Variants in PLEKHA8 observed in about 807,000 individuals in gnomAD.
PLEKHA8 encodes pleckstrin homology domain-containing family A member 8.
PLEKHA8 carries 36 observed loss-of-function variants against 68.2 expected under a neutral mutation model. That is an observed-to-expected ratio of 0.53 (90% confidence interval 0.40 to 0.70). The LOEUF (loss-of-function observed/expected upper bound fraction) is 0.70. Among genes scored for constraint, PLEKHA8 ranks in the 30% least tolerant of loss-of-function variants. The pLI is 0.00. For synonymous variants in PLEKHA8, 211 were observed against 216.1 expected (o/e 0.98, Z 0.20); for missense variants, 505 against 615.4 (o/e 0.82, Z 1.90).
At chr7:30,046,897 C>A (rs557497241) in intron 3 of PLEKHA8, among the ~76,000 whole-genome samples, 2 of 152,264 alleles carry the variant, frequency 1.3e-5, no homozygotes, top group South Asian at 4.1e-4. Flanking sequence ...GCTTAATGCT[C>A]ATTCACTGGA....
At chr7:30,097,172 T>A (rs183233488) in intron 13 of PLEKHA8, among the ~76,000 whole-genome samples, 2 of 152,246 alleles carry the variant, frequency 1.3e-5, no homozygotes, top group Non-Finnish European at 2.9e-5. Context: ...TCTTCTGGCT[T>A]GTAGAGTTAC....
chr7:30,130,117 C>T (rs990409249), downstream of PLEKHA8: 3 of 152,360 alleles, frequency 2.0e-5, no homozygotes, highest in African/African-American at 7.2e-5. Context: ...CCCACATCTT[C>T]GTAGGAGATC....
At position 30,028,751 on chromosome 7, in the gene PLEKHA8, GC is replaced by G; in HGVS notation, c.-10del. 1 of 1,261,304 alleles carries G rather than the reference GC, an allele frequency of 7.9e-7. No individual in the cohort carries two copies. The allele number at this position is 1,261,304 out of a possible 1,614,324, so 78.1% of individuals were successfully genotyped here. On this transcript the variant is annotated 5_prime_UTR_variant, in exon 1 of 14. Transcript: ENST00000449726. ...GGGGCCGGCGGGCGTGGGCCGAGTG[GC>G]CGCGGGCGCCATGGAGGGGGTGCTG...
intron 1 of PLEKHA8, among the ~76,000 whole-genome samples, chr7:30,034,308 C>T (rs1450614346): frequency 6.6e-6 from 1 of 151,874 alleles, no homozygotes; most frequent in Non-Finnish European, 1.5e-5. Context: ...TGTGCCCGGC[C>T]AAGAGTTCTT....
In PLEKHA8 at chr7:30,028,708, G is replaced by C; in HGVS notation, c.-55G>C. 1 of 1,209,970 alleles carries C rather than the reference G, an allele frequency of 8.3e-7. No individual in the cohort carries two copies. Among genetic ancestry groups the C allele is most frequent in the Non-Finnish European group, 1.0e-6 (1 of 956,106 alleles). The allele number at this position is 1,209,970 out of a possible 1,614,324, so 75.0% of individuals were successfully genotyped here. A position where few individuals can be genotyped will look rare whatever the true frequency, so the allele number is the denominator to read the frequency against. ...CTGCTGCTGGTGCTCCTCGCCTCTT[G>C]GGGCCTGGGGCAGTGAGGGGGCCGG... On this transcript the variant is annotated 5_prime_UTR_variant, in exon 1 of 14. Coordinates refer to ENST00000449726, the MANE Select transcript of PLEKHA8 (RefSeq NM_001197026.2).
chr7:30,099,506 G>A (rs1324510284), intron 13 of PLEKHA8, among the ~76,000 whole-genome samples: 2 of 152,208 alleles, frequency 1.3e-5, no homozygotes, highest in Non-Finnish European at 2.9e-5. Flanking sequence ...TGAGGTGGCA[G>A]TGAAGTTCAT....
chr7:30,074,166 G>A (rs768998878), intron 13 of PLEKHA8, 34 bp downstream of exon 13: 1 of 1,573,732 alleles, frequency 6.4e-7, no homozygotes, highest in Non-Finnish European at 8.7e-7. Flanking sequence ...ATTATTAACT[G>A]TATTGGGTAT....
Position 30,082,448 on chromosome 7 carries a change from C to G in PLEKHA8, c.*3661C>G, listed in dbSNP as rs954387687. 5 of 985,392 alleles carry G rather than the reference C, an allele frequency of 5.1e-6. No homozygotes were observed. The highest frequency in any genetic ancestry group is 5.2e-4 in the Middle Eastern group (1 of 1,914). The allele number at this position is 985,392 out of a possible 1,614,324, so 61.0% of individuals were successfully genotyped here. ...GTGGGGATTCTGTTCCCCCACCCCCCAGACTGCAAGAGCTTCTTAAGAAGG... is the reference window on the plus strand; with the variant it reads ...GTGGGGATTCTGTTCCCCCACCCCCGAGACTGCAAGAGCTTCTTAAGAAGG... On this transcript the variant is annotated 3_prime_UTR_variant, in exon 14 of 14. Coordinates refer to ENST00000449726, the MANE Select transcript of PLEKHA8 (RefSeq NM_001197026.2).
At position 30,054,737 on chromosome 7, in the gene PLEKHA8, A is replaced by C. The variant is rs2127981004; in HGVS notation, c.825A>C (p.Gly275=). 6.3e-7 allele frequency: 1 copy of C among 1,599,522 alleles called. No homozygotes were observed. The highest frequency in any genetic ancestry group is 8.5e-7 in the Non-Finnish European group (1 of 1,171,192). ...TVQGEIRKED[G]MENLKNHDNN... ...AAGGTGAAATAAGGAAGGAAGATGG[A>C]ATGGAAAACCTGAAAAATCATGACA... Residue 275 remains glycine (G), a synonymous_variant, in exon 8 of 14, where the codon GGA becomes GGC. Coordinates refer to ENST00000449726, the MANE Select transcript of PLEKHA8 (RefSeq NM_001197026.2).
intron 1 of PLEKHA8, among the ~76,000 whole-genome samples, chr7:30,044,881 A>T (rs1329977126): frequency 6.6e-6 from 1 of 152,188 alleles, no homozygotes; most frequent in Non-Finnish European, 1.5e-5. Flanking sequence ...AAAAATATAT[A>T]CTTCTTTGGG....
intron 13 of PLEKHA8, chr7:30,115,713 C>A (rs542637841): frequency 8.9e-6 from 1 of 112,338 alleles, no homozygotes; most frequent in South Asian, 2.6e-4. Flanking sequence ...TGTATACATA[C>A]GCGCATGCAT....
chr7:30,080,203 T>TAAGA lies in PLEKHA8; in HGVS notation c.*1419_*1422dup. ...ACAGTTTCTTAAACTTCTTAAAACT[T>TAAGA]AAGAAACATTGTTTCATAAAACAAT... On this transcript the variant is annotated 3_prime_UTR_variant, in exon 14 of 14. Coordinates refer to ENST00000449726, the MANE Select transcript of PLEKHA8 (RefSeq NM_001197026.2). 1 of 985,398 alleles carries TAAGA rather than the reference T, an allele frequency of 1.0e-6. No individual in the cohort carries two copies. Among genetic ancestry groups the TAAGA allele is most frequent in the Non-Finnish European group, 1.2e-6 (1 of 829,904 alleles). 61.0% of individuals were successfully genotyped at this position (985,398 alleles called of 1,614,324 possible). A position where few individuals can be genotyped will look rare whatever the true frequency, so the allele number is the denominator to read the frequency against.
rs898367979 is a variant in PLEKHA8, at chr7:30,078,959, G to A, written c.*172G>A. The A allele has an allele frequency of 1.3e-5, 19 of 1,414,698 alleles. No homozygotes were observed. In the African/African-American group the frequency reaches 2.7e-4, roughly 20 times the overall value. The allele number at this position is 1,414,698 out of a possible 1,614,324, so 87.6% of individuals were successfully genotyped here. ...AATTTTTAAAATGCATATGTGTTTT[G>A]TTTAAAGATCAAGGTGCTATATATT... On this transcript the variant is annotated 3_prime_UTR_variant, in exon 14 of 14. Coordinates refer to ENST00000449726, the MANE Select transcript of PLEKHA8 (RefSeq NM_001197026.2).
intron 2 of PLEKHA8, among the ~76,000 whole-genome samples, chr7:30,045,885 C>T (rs2127971957): frequency 1.3e-5 from 2 of 152,344 alleles, no homozygotes; most frequent in African/African-American, 4.8e-5. Flanking sequence ...ACTTAACACA[C>T]ACACCCACTG....
In PLEKHA8 at chr7:30,081,446, T is replaced by C. The variant is rs1476003361; in HGVS notation, c.*2659T>C. On this transcript the variant is annotated 3_prime_UTR_variant, in exon 14 of 14. Transcript: ENST00000449726. ...CCTTGGCATAGTCAGAGCTTCCTCC[T>C]ACATCTAAAGTATTTGCTCTCTGTT... The C allele has an allele frequency of 1.0e-6, 1 of 984,784 alleles. No individual in the cohort carries two copies. Among genetic ancestry groups the C allele is most frequent in the Non-Finnish European group, 1.2e-6 (1 of 829,306 alleles). 61.0% of individuals were successfully genotyped at this position (984,784 alleles called of 1,614,324 possible).
chr7:30,070,519 T>C (rs1794163785), intron 12 of PLEKHA8, among the ~76,000 whole-genome samples: 1 of 151,670 alleles, frequency 6.6e-6, no homozygotes, highest in Non-Finnish European at 1.5e-5. Context: ...ATAAGGTCTC[T>C]GAGGTTGGCA....
chr7:30,123,640 T>C lies in PLEKHA8; in HGVS notation c.1363-5626T>C, dbSNP rs147974532. ...GGAGAGAATGTGGATCTCTCGTTTT[T>C]GAGCTCTGAGAAATTAAGGATCACA... On this transcript the variant is annotated intron_variant, in intron 13 of 13. Coordinates refer to the PLEKHA8 transcript ENST00000396257. 4.1e-4 allele frequency among the ~76,000 whole-genome samples: 62 copies of C among 152,256 alleles called. 1 individual carries two copies. The highest frequency in any genetic ancestry group is 1.3e-3 in the African/African-American group (56 of 41,556).
At chr7:30,038,023 G>A (rs947096949) in intron 1 of PLEKHA8, among the ~76,000 whole-genome samples, 3 of 151,942 alleles carry the variant, frequency 2.0e-5, no homozygotes, top group African/African-American at 7.3e-5. Flanking sequence ...GTAAGATTAT[G>A]AACTTCTGCT....
chr7:30,060,749 T>G, intron 9 of PLEKHA8, 135 bp from the exon 10 acceptor site: 1 of 684,590 alleles, frequency 1.5e-6, no homozygotes, highest in Non-Finnish European at 2.5e-6. Context: ...CTTTTGAAGA[T>G]TATGTTTAGA....
Sources: gnomAD v4.1 joint callset for allele counts (sites outside exome capture counted in the v4.1 genomes callset) on GRCh38, gnomAD v4.1.1 for gene constraint, MANE v1.5 for transcripts, NCBI Gene and HGNC (gene_info 2026-07-23, HGNC 2026-07-21) for gene names.